The following SPHKAP variants were observed in gnomAD, a reference collection of about 807,000 sequenced individuals.
The protein encoded by SPHKAP is A-kinase anchor protein SPHKAP.
A neutral mutation model predicts 137.5 loss-of-function variants in SPHKAP; 67 were observed. That is an observed-to-expected ratio of 0.49 (90% CI 0.40 to 0.60). The LOEUF (loss-of-function observed/expected upper bound fraction) is 0.60, where lower values mean the gene tolerates loss of function less well. Among genes scored for constraint, SPHKAP ranks in the 20% least tolerant of loss-of-function variants. The pLI, the probability that SPHKAP is intolerant of heterozygous loss-of-function variation, is 0.00. For missense variants in SPHKAP, 2,097 were observed against 2,069.3 expected (o/e 1.01, Z -0.26); for synonymous variants, 813 against 785.3 (o/e 1.04, Z -0.59).
intron 2 of SPHKAP, among the ~76,000 whole-genome samples, chr2:228,129,193 G>A (rs1435279950): frequency 6.6e-6 from 1 of 152,140 alleles, no homozygotes; most frequent in African/African-American, 2.4e-5. Context: ...TGAAAAGTTT[G>A]AAATATTGAG....
intron 3 of SPHKAP, among the ~76,000 whole-genome samples, chr2:228,041,522 G>A (rs1695839648): frequency 6.6e-6 from 1 of 151,720 alleles, no homozygotes; most frequent in Admixed American, 6.6e-5. Flanking sequence ...GTGCGTGCCT[G>A]TAGTCCAGCT....
rs147942129 is a variant in SPHKAP, at chr2:228,017,060, T to C, written c.3794A>G (p.Gln1265Arg). The C allele has an allele frequency of 3.7e-6, 6 of 1,614,018 alleles. No homozygotes were observed. Among genetic ancestry groups the C allele is most frequent in the Non-Finnish European group, 5.1e-6 (6 of 1,180,028 alleles). ...IKANSLDGFAQNCPQDFLSVQ... is the reference protein window; with the variant it reads ...IKANSLDGFARNCPQDFLSVQ... Reference sequence around the variant, plus strand: ...GCTTAGGAAATCTTGTGGGCAGTTCTGAGCAAAGCCATCTAAAGAGTTGGC... The same window carrying C: ...GCTTAGGAAATCTTGTGGGCAGTTCCGAGCAAAGCCATCTAAAGAGTTGGC... Residue 1265 changes from glutamine (Q) to arginine (R), a missense_variant, in exon 7 of 12, where the codon CAG becomes CGG. Gln to Arg is a conservative substitution (Grantham distance 43). Coordinates refer to ENST00000392056, the MANE Select transcript of SPHKAP (RefSeq NM_001142644.2).
intron 3 of SPHKAP, among the ~76,000 whole-genome samples, chr2:228,041,930 G>A (rs190675470): frequency 5.9e-5 from 9 of 152,164 alleles, no homozygotes; most frequent in Non-Finnish European, 1.0e-4. Context: ...TAGAAACAGA[G>A]CAGCTAATCA....
chr2:228,015,391 T>C (rs1330181642), intron 7 of SPHKAP, among the ~76,000 whole-genome samples: 1 of 152,028 alleles, frequency 6.6e-6, no homozygotes, highest in Non-Finnish European at 1.5e-5. Flanking sequence ...TACGTGTTCA[T>C]GTGTCTTTAT....
intron 1 of SPHKAP, among the ~76,000 whole-genome samples, chr2:228,179,219 T>C (rs1043335566): frequency 2.0e-5 from 3 of 152,222 alleles, no homozygotes; most frequent in Admixed American, 1.3e-4. Context: ...TTTTATTAGA[T>C]ACCAAAAATG....
At chr2:228,057,186 A>C (rs188125490) in intron 3 of SPHKAP, among the ~76,000 whole-genome samples, 2 of 152,334 alleles carry the variant, frequency 1.3e-5, no homozygotes, top group African/African-American at 4.8e-5. Context: ...TAGCATTAAA[A>C]TCAGATACTA....
intron 7 of SPHKAP, among the ~76,000 whole-genome samples, chr2:228,012,434 T>G (rs1694425371): frequency 6.6e-6 from 1 of 152,204 alleles, no homozygotes; most frequent in African/African-American, 2.4e-5. Flanking sequence ...ACTCTAGTTC[T>G]TCTCACGGCT....
At chr2:227,990,075 C>G (rs1693360446) in intron 11 of SPHKAP, among the ~76,000 whole-genome samples, 1 of 152,228 alleles carries the variant, frequency 6.6e-6, no homozygotes, top group South Asian at 2.1e-4. Context: ...AGCAGGGAAA[C>G]AGGACCTCAG....
At chr2:228,085,799 C>G (rs1008195683) in intron 3 of SPHKAP, among the ~76,000 whole-genome samples, 9 of 152,072 alleles carry the variant, frequency 5.9e-5, no homozygotes, top group African/African-American at 2.2e-4. Flanking sequence ...TTATAAGGAA[C>G]CCTGAGTTTT....
At chr2:228,031,137 C>A (rs368670273) in intron 3 of SPHKAP, among the ~76,000 whole-genome samples, 1 of 152,172 alleles carries the variant, frequency 6.6e-6, no homozygotes, top group Non-Finnish European at 1.5e-5. Flanking sequence ...GGGTGACAGA[C>A]GGCACCTGGA....
intron 7 of SPHKAP, chr2:227,996,176 C>T (rs913883128): frequency 1.0e-6 from 1 of 978,414 alleles, no homozygotes; most frequent in Non-Finnish European, 1.2e-6. Context: ...TTTGCACTGA[C>T]TTGGTAAAAA....
intron 1 of SPHKAP, among the ~76,000 whole-genome samples, chr2:228,139,924 T>TTCTTTCTTTCTTTCTTTCTTTCTTTC: frequency 6.7e-6 from 1 of 149,892 alleles, no homozygotes; most frequent in Non-Finnish European, 1.5e-5. Context: ...CTTTCTTTCT[T>TTCTTTCTTTCTTTCTTTCTTTCTTTC]TCTTTCTTTC....
At chr2:228,129,000 G>A (rs1699165127) in intron 2 of SPHKAP, among the ~76,000 whole-genome samples, 1 of 152,102 alleles carries the variant, frequency 6.6e-6, no homozygotes, top group Non-Finnish European at 1.5e-5. Flanking sequence ...AGCATTGGCC[G>A]TCACTTAAAG....
At chr2:228,172,800 G>A (rs568843219) in intron 1 of SPHKAP, among the ~76,000 whole-genome samples, 1 of 152,278 alleles carries the variant, frequency 6.6e-6, no homozygotes, top group African/African-American at 2.4e-5. Context: ...CCTGAAATCT[G>A]TTAGTCACCA....
chr2:228,037,287 G>A (rs1485958946), intron 3 of SPHKAP, among the ~76,000 whole-genome samples: 1 of 152,114 alleles, frequency 6.6e-6, no homozygotes, highest in Admixed American at 6.6e-5. Context: ...AAAATTTCTG[G>A]TTGACTGGGC....
chr2:228,113,607 C>A (rs1322072713), intron 2 of SPHKAP, among the ~76,000 whole-genome samples: 6 of 58,612 alleles, frequency 1.0e-4, no homozygotes, highest in Non-Finnish European at 1.6e-4. Flanking sequence ...TTAGCCATCT[C>A]TCTCTCTCTC....
intron 11 of SPHKAP, 62 bp from the exon 12 acceptor site, chr2:227,981,922 C>G: frequency 6.5e-7 from 1 of 1,544,540 alleles, no homozygotes; most frequent in East Asian, 2.4e-5. Context: ...CCACCTCATT[C>G]AACCACCCTC....
intron 1 of SPHKAP, among the ~76,000 whole-genome samples, 195 bp from the exon 2 acceptor site, chr2:228,132,280 G>A (rs966039906): frequency 2.6e-5 from 4 of 152,116 alleles, no homozygotes; most frequent in African/African-American, 9.7e-5. Context: ...CACTACAGAC[G>A]ATCCTACTGT....
Position 228,017,873 on chromosome 2 carries a change from T to G in SPHKAP, c.2981A>C (p.Lys994Thr). ...ESQGSGTAVR[K>T]HKPPRLSEIK... ...CTCACTGAGCCGGGGAGGCTTGTGT[T>G]TCCTCACAGCGGTCCCGCTCCCCTG... Residue 994 changes from lysine to threonine, a missense_variant, in exon 7 of 12, where the codon AAA becomes ACA. By Grantham distance (78) the Lys-to-Thr change is moderately conservative. Coordinates refer to ENST00000392056, the MANE Select transcript of SPHKAP (RefSeq NM_001142644.2). 1 of 1,614,026 alleles carries G rather than the reference T, an allele frequency of 6.2e-7. No homozygotes were observed.
Sources: gnomAD v4.1 joint callset for allele counts (sites outside exome capture counted in the v4.1 genomes callset) on GRCh38, gnomAD v4.1.1 for gene constraint, MANE v1.5 for transcripts, NCBI Gene and HGNC (gene_info 2026-07-23, HGNC 2026-07-21) for gene names.